The following MARCHF1 variants were observed in gnomAD, a reference collection of about 807,000 sequenced individuals.
MARCHF1 encodes the protein membrane associated ring-CH-type finger 1.
MARCHF1 carries 40 observed loss-of-function variants against 54.2 expected under a neutral mutation model. The ratio of observed to expected loss-of-function variants is 0.74; its 90% CI spans 0.57 to 0.96. The LOEUF (loss-of-function observed/expected upper bound fraction) is 0.96. MARCHF1 is among the 40% of genes least tolerant of loss of function. The pLI, the probability that MARCHF1 is intolerant of heterozygous loss-of-function variation, is 0.00. For synonymous variants in MARCHF1, 236 were observed against 236.3 expected, an observed-to-expected ratio of 1.00 and a Z score of 0.01; for missense variants, 586 against 656.5, an observed-to-expected ratio of 0.89 and a Z score of 1.17.
chr4:164,233,919 T>C (rs2111187383), intron 1 of MARCHF1, among the ~76,000 whole-genome samples: 1 of 152,310 alleles, frequency 6.6e-6, no homozygotes, highest in African/African-American at 2.4e-5. Flanking sequence ...AATATTTCAA[T>C]TTACAAGAAA....
At chr4:164,123,499 C>T (rs1756114847) in intron 1 of MARCHF1, among the ~76,000 whole-genome samples, 1 of 152,098 alleles carries the variant, frequency 6.6e-6, no homozygotes, top group Non-Finnish European at 1.5e-5. Context: ...CCAAAGCTAT[C>T]CTAAGCAAAA....
At chr4:163,853,622 G>GA (rs1397708216) in intron 4 of MARCHF1, among the ~76,000 whole-genome samples, 1 of 152,060 alleles carries the variant, frequency 6.6e-6, no homozygotes, top group African/African-American at 2.4e-5. Flanking sequence ...AAAAAATATA[G>GA]AAAAATACAG....
intron 1 of MARCHF1, among the ~76,000 whole-genome samples, chr4:164,124,599 AAAT>A (rs1311103086): frequency 2.1e-5 from 3 of 143,116 alleles, no homozygotes; most frequent in South Asian, 4.8e-4. Context: ...TCTGCCATAA[AAAT>A]AATGAGATCC....
chr4:164,110,123 T>TACACACACAC lies in MARCHF1; in HGVS notation c.-248+1455_-248+1464dup, dbSNP rs70948699. On this transcript the variant is annotated intron_variant, in intron 2 of 9. Coordinates refer to ENST00000514618, the MANE Select transcript of MARCHF1 (RefSeq NM_001394959.1). Reference sequence around the variant, plus strand: ...TTAAAAAACCCATTGGAATTGGAGATACACACACACACACACACACACACA... The same window carrying TACACACACAC: ...TTAAAAAACCCATTGGAATTGGAGATACACACACACACACACACACACACACACACACACA... 4.2e-3 allele frequency among the ~76,000 whole-genome samples: 618 copies of TACACACACAC among 146,018 alleles called. 6 individuals carry two copies. Among genetic ancestry groups the TACACACACAC allele is most frequent in the African/African-American group, 0.015 (578 of 39,852 alleles).
At chr4:164,158,206 CTAT>C (rs1730129005) in intron 1 of MARCHF1, among the ~76,000 whole-genome samples, 1 of 152,126 alleles carries the variant, frequency 6.6e-6, no homozygotes, top group African/African-American at 2.4e-5. Flanking sequence ...AAGACTCTTC[CTAT>C]TATATTTCAA....
intron 2 of MARCHF1, among the ~76,000 whole-genome samples, chr4:164,079,926 C>T (rs1011820285): frequency 6.6e-6 from 1 of 152,158 alleles, no homozygotes; most frequent in Non-Finnish European, 1.5e-5. Flanking sequence ...TAGCCTACTA[C>T]ACTGGTAGCT....
At chr4:163,917,274 T>G (rs1221766784) in intron 3 of MARCHF1, among the ~76,000 whole-genome samples, 1 of 152,158 alleles carries the variant, frequency 6.6e-6, no homozygotes, top group Non-Finnish European at 1.5e-5. Context: ...AGAAGCTTGA[T>G]GGTTTATTTT....
At chr4:164,159,516 G>A (rs1183847400) in intron 1 of MARCHF1, among the ~76,000 whole-genome samples, 1 of 152,092 alleles carries the variant, frequency 6.6e-6, no homozygotes, top group Non-Finnish European at 1.5e-5. Flanking sequence ...CTAGAATTCT[G>A]TTACTGTACT....
chr4:164,077,049 C>CA (rs1187063488), intron 2 of MARCHF1, among the ~76,000 whole-genome samples: 5 of 151,900 alleles, frequency 3.3e-5, no homozygotes, highest in Non-Finnish European at 5.9e-5. Flanking sequence ...CATATGGAAC[C>CA]AAAAAAGAGC....
intron 1 of MARCHF1, among the ~76,000 whole-genome samples, chr4:164,236,892 T>C (rs532378126): frequency 2.2e-4 from 33 of 152,292 alleles, no homozygotes; most frequent in Admixed American, 7.9e-4. Context: ...TTCCTAACAA[T>C]GCTTCCTCCA....
chr4:163,674,014 T>G (rs1743821339), intron 5 of MARCHF1, among the ~76,000 whole-genome samples: 1 of 152,128 alleles, frequency 6.6e-6, no homozygotes, highest in African/African-American at 2.4e-5. Flanking sequence ...CCTCAGGCCT[T>G]GAACTGGTGA....
chr4:164,317,259 G>T (rs114212340), intron 1 of MARCHF1, among the ~76,000 whole-genome samples: 2 of 152,126 alleles, frequency 1.3e-5, no homozygotes, highest in Non-Finnish European at 2.9e-5. Context: ...CTTAGAGTAC[G>T]TGTCAGTTAA....
At chr4:163,590,517 T>C (rs1465974922) in intron 7 of MARCHF1, among the ~76,000 whole-genome samples, 1 of 152,132 alleles carries the variant, frequency 6.6e-6, no homozygotes, top group Non-Finnish European at 1.5e-5. Context: ...ATTCTTAAGA[T>C]ATGCAGTTAT....
chr4:164,287,455 G>A (rs564771084), intron 1 of MARCHF1, among the ~76,000 whole-genome samples: 5 of 152,266 alleles, frequency 3.3e-5, no homozygotes, highest in South Asian at 2.1e-4. Flanking sequence ...TGAAGATGTC[G>A]TGGAACATCC....
intron 3 of MARCHF1, among the ~76,000 whole-genome samples, chr4:163,895,605 C>T (rs1277506196): frequency 1.3e-5 from 2 of 152,146 alleles, no homozygotes; most frequent in African/African-American, 4.8e-5. Context: ...ACAGATAATG[C>T]AGTAGAGGGC....
intron 2 of MARCHF1, among the ~76,000 whole-genome samples, chr4:164,018,024 A>T (rs1410328707): frequency 6.6e-6 from 1 of 151,988 alleles, no homozygotes; most frequent in Non-Finnish European, 1.5e-5. Context: ...TGATTTTTCT[A>T]CAAATGTGCC....
intron 3 of MARCHF1, among the ~76,000 whole-genome samples, chr4:163,935,415 G>A (rs1172623040): frequency 1.3e-5 from 2 of 152,300 alleles, no homozygotes; most frequent in South Asian, 2.1e-4. Context: ...ATCTTAGCTA[G>A]ATTTTCTGGA....
At chr4:163,702,093 G>T (rs1744828053) in intron 4 of MARCHF1, among the ~76,000 whole-genome samples, 1 of 152,142 alleles carries the variant, frequency 6.6e-6, no homozygotes, top group Non-Finnish European at 1.5e-5. Context: ...AGATATTCCA[G>T]CTGAACAGTA....
intron 2 of MARCHF1, among the ~76,000 whole-genome samples, chr4:163,989,868 T>C (rs1348017791): frequency 6.6e-6 from 1 of 152,204 alleles, no homozygotes; most frequent in Admixed American, 6.5e-5. Flanking sequence ...TCACCCCAAA[T>C]GAAGCATAAT....
Sources: allele counts gnomAD v4.1 joint callset (sites outside exome capture counted in the v4.1 genomes callset), GRCh38; gene constraint gnomAD v4.1.1; transcripts MANE v1.5; gene names NCBI Gene and HGNC (gene_info 2026-07-23, HGNC 2026-07-21).